CEP83: variants seen among roughly 807,000 people sequenced by gnomAD.
CEP83 encodes the protein centrosomal protein 83.
CEP83 carries 70 observed loss-of-function variants against 101.9 expected under a neutral mutation model. The ratio of observed to expected loss-of-function variants is 0.69; its 90% CI spans 0.57 to 0.84. The LOEUF is 0.84. Ranked by LOEUF, CEP83 falls within the 40% of genes least tolerant of loss-of-function variation. The pLI is 0.00. For synonymous variants in CEP83, 264 were observed against 267.9 expected (o/e 0.99, Z 0.14); for missense variants, 715 against 787.2 (o/e 0.91, Z 1.10).
chr12:94,349,586 C>G (rs1405887224), intron 11 of CEP83, among the ~76,000 whole-genome samples: 1 of 152,080 alleles, frequency 6.6e-6, no homozygotes, highest in Non-Finnish European at 1.5e-5. Context: ...CATGATAAAA[C>G]AAACTAACAA....
rs145888573 is a variant in CEP83, at chr12:94,323,777, G to T, written c.1707+7923C>A. On this transcript the variant is annotated intron_variant, in intron 14 of 16. Transcript: ENST00000397809. Reference sequence around the variant, plus strand: ...TGTTCCTGACCTTGGGTAAGTAAGGGGAAGCAGTCAATATTTTTAATCAGT... The same window carrying T: ...TGTTCCTGACCTTGGGTAAGTAAGGTGAAGCAGTCAATATTTTTAATCAGT... 1.3e-3 allele frequency among the ~76,000 whole-genome samples: 193 copies of T among 152,188 alleles called. 2 individuals carry two copies. In the East Asian group the frequency reaches 0.034, roughly 27 times the overall value.
chr12:94,293,831 G>A, the CEP83 span, among the ~76,000 whole-genome samples: 1 of 152,086 alleles, frequency 6.6e-6, no homozygotes, highest in East Asian at 1.9e-4. Flanking sequence ...ATGTTGCCCA[G>A]GCTGGTCTCA....
At position 94,414,940 on chromosome 12, in the gene CEP83, T is replaced by C. The variant is rs192322757; in HGVS notation, c.-101-2349A>G. Among the ~76,000 whole-genome samples, 15 of 152,248 alleles carry C rather than the reference T, an allele frequency of 9.9e-5. 1 individual carries two copies. Among genetic ancestry groups the C allele is most frequent in the Admixed American group, 4.6e-4 (7 of 15,292 alleles). The stretch of plus-strand genomic sequence containing the variant: ...AGATTTAACTAAAAATTAAGATTGC[T>C]AAGAGTTAAAATTCTAGTTAATACA... On this transcript the variant is annotated intron_variant, in intron 2 of 16. Coordinates refer to ENST00000397809, the MANE Select transcript of CEP83 (RefSeq NM_016122.3).
At chr12:94,282,306 A>G in the CEP83 span, 510 of 1,612,262 alleles carry the variant, frequency 3.2e-4, 4 homozygotes, top group African/African-American at 6.3e-3. Flanking sequence ...AGAGCTTCAA[A>G]TGGGCACACG....
intron 4 of CEP83, among the ~76,000 whole-genome samples, chr12:94,410,873 T>C (rs922967075): frequency 1.3e-5 from 2 of 152,310 alleles, no homozygotes; most frequent in African/African-American, 4.8e-5. Context: ...TTTGAAAAAG[T>C]TATTGAATGA....
chr12:94,305,460 T>C (rs1288332001), downstream of CEP83: 2 of 574,896 alleles, frequency 3.5e-6, no homozygotes, highest in Non-Finnish European at 3.1e-6. Context: ...TACCAACCCT[T>C]GTGCCTGTGT....
At chr12:94,449,456 A>G (rs1219135790) in intron 1 of CEP83, among the ~76,000 whole-genome samples, 2 of 152,130 alleles carry the variant, frequency 1.3e-5, no homozygotes, top group Non-Finnish European at 2.9e-5. Context: ...ACAACATATA[A>G]CAGAGATTAT....
At chr12:94,329,917 A>T (rs1201201120) in intron 14 of CEP83, among the ~76,000 whole-genome samples, 6 of 152,180 alleles carry the variant, frequency 3.9e-5, no homozygotes, top group Admixed American at 3.9e-4. Flanking sequence ...TTATGAGAAG[A>T]TAAAAGTAAT....
chr12:94,457,671 TAAAG>T (rs1215734580), intron 1 of CEP83, among the ~76,000 whole-genome samples: 1 of 152,198 alleles, frequency 6.6e-6, no homozygotes. Context: ...GTATCTGACA[TAAAG>T]AACATTAAAC....
chr12:94,343,683 C>T (rs1473317491), intron 11 of CEP83, among the ~76,000 whole-genome samples: 2 of 149,390 alleles, frequency 1.3e-5, no homozygotes, highest in African/African-American at 4.9e-5. Context: ...TTAGTAGAGA[C>T]GGGGTTTCAC....
chr12:94,390,091 C>G (rs928428386), intron 6 of CEP83, among the ~76,000 whole-genome samples: 8 of 152,238 alleles, frequency 5.3e-5, no homozygotes, highest in African/African-American at 1.9e-4. Context: ...ACATCCCTGT[C>G]TGACAGCTCT....
chr12:94,353,927 T>A (rs1392011877), intron 11 of CEP83, among the ~76,000 whole-genome samples: 1 of 151,692 alleles, frequency 6.6e-6, no homozygotes, highest in Non-Finnish European at 1.5e-5. Context: ...AAAACCCAAT[T>A]CAGCAAGAGG....
rs537716074 is a variant in CEP83 at position 94,335,148 on chromosome 12, A to C, written c.1419+441T>G. Among the ~76,000 whole-genome samples the C allele has an allele frequency of 9.9e-5, 15 of 152,264 alleles. No individual in the cohort carries two copies. In the South Asian group the frequency reaches 3.1e-3, roughly 32 times the overall value. ...ATCTTTCCTGAACCCAAATAACTTTAATTATAAACACAAATTTCCTTCCAT... is the reference window on the plus strand; with the variant it reads ...ATCTTTCCTGAACCCAAATAACTTTCATTATAAACACAAATTTCCTTCCAT... On this transcript the variant is annotated intron_variant, in intron 12 of 16. Coordinates refer to ENST00000397809, the MANE Select transcript of CEP83 (RefSeq NM_016122.3).
the CEP83 span, chr12:94,278,146 C>T: frequency 2.6e-6 from 1 of 390,162 alleles, no homozygotes; most frequent in African/African-American, 2.1e-5. Flanking sequence ...TCCTTAAAAC[C>T]AAAAAAAACA....
At chr12:94,277,043 G>C in the CEP83 span, 1 of 136,940 alleles carries the variant, frequency 7.3e-6, no homozygotes, top group Non-Finnish European at 1.6e-5. Context: ...ATTTAGTGGT[G>C]TTTGTCTCAG....
the CEP83 span, among the ~76,000 whole-genome samples, chr12:94,287,356 G>C: frequency 1.3e-5 from 2 of 152,226 alleles, no homozygotes; most frequent in African/African-American, 2.4e-5. Flanking sequence ...TGGGGCATGT[G>C]CACCTGCATG....
intron 11 of CEP83, among the ~76,000 whole-genome samples, chr12:94,340,844 G>A (rs1168590655): frequency 1.3e-5 from 2 of 152,190 alleles, no homozygotes; most frequent in Non-Finnish European, 2.9e-5. Context: ...AAACGAGAGA[G>A]ATAATAAGAG....
intron 13 of CEP83, among the ~76,000 whole-genome samples, chr12:94,333,057 A>AAAAC (rs1457720643): frequency 6.6e-6 from 1 of 151,076 alleles, no homozygotes; most frequent in East Asian, 1.9e-4. Context: ...AAAAAAAAAA[A>AAAAC]AAAAAAAACA....
At chr12:94,305,118 C>A, downstream of CEP83, 2 of 1,022,090 alleles carry the variant, frequency 2.0e-6, no homozygotes, top group Non-Finnish European at 1.5e-6. Flanking sequence ...ATCAGGTATG[C>A]AAAAAACAGA....
Sources: gnomAD v4.1 joint callset for allele counts (sites outside exome capture counted in the v4.1 genomes callset) on GRCh38, gnomAD v4.1.1 for gene constraint, MANE v1.5 for transcripts, NCBI Gene and HGNC (gene_info 2026-07-23, HGNC 2026-07-21) for gene names.